RTL9: variants seen among roughly 807,000 people sequenced by gnomAD.
RTL9 encodes retrotransposon Gag-like protein 9.
In RTL9, 19 loss-of-function variants were observed where a neutral mutation model predicts 44.7. The observed-to-expected ratio is 0.42, with a 90% CI of 0.30 to 0.62. The LOEUF is 0.62. Among genes scored for constraint, RTL9 ranks in the 20% least tolerant of loss-of-function variants. RTL9 has a pLI of 0.16. For missense variants in RTL9, 1,105 were observed against 1,080.6 expected (o/e 1.02, Z -0.32); for synonymous variants, 407 against 398.9 (o/e 1.02, Z -0.24).
chrX:110,452,127 G>T, exon 1 of RTL9: 1 of 1,211,898 alleles, frequency 8.3e-7, no homozygotes, highest in South Asian at 1.8e-5. Flanking sequence ...ACTGAGGAGA[G>T]CTCCAACTTC....
upstream of RTL9, among the ~76,000 whole-genome samples, chrX:110,417,035 C>T (rs778645515): frequency 1.1e-4 from 12 of 112,649 alleles, no homozygotes; most frequent in Non-Finnish European, 2.1e-4. Context: ...TGGACTGTCA[C>T]TACTTTTCAT....
intron 1 of RTL9, among the ~76,000 whole-genome samples, chrX:110,360,996 T>C (rs1478302071): frequency 3.6e-5 from 4 of 111,463 alleles, no homozygotes; most frequent in Non-Finnish European, 5.7e-5. Flanking sequence ...TATTTGCTGA[T>C]GAGTCACAAA....
At chrX:110,436,218 C>G (rs2068837714) in intron 1 of RTL9, among the ~76,000 whole-genome samples, 2 of 111,685 alleles carry the variant, frequency 1.8e-5, no homozygotes, top group African/African-American at 6.5e-5. Context: ...GTCAGGACTT[C>G]GAAGGCATTT....
At chrX:110,361,823 T>C (rs2148250425) in intron 1 of RTL9, among the ~76,000 whole-genome samples, 1 of 112,579 alleles carries the variant, frequency 8.9e-6, no homozygotes, top group Non-Finnish European at 1.9e-5. Context: ...AAGGTCCAGA[T>C]AATAAATATT....
intron 1 of RTL9, among the ~76,000 whole-genome samples, chrX:110,390,896 C>T (rs2068489563): frequency 8.9e-6 from 1 of 111,803 alleles, no homozygotes; most frequent in Admixed American, 9.5e-5. Context: ...ATTCTTGAAC[C>T]AGCTTCAGTG....
intron 1 of RTL9, among the ~76,000 whole-genome samples, chrX:110,431,879 T>G (rs1045120116): frequency 8.1e-5 from 9 of 111,102 alleles, no homozygotes; most frequent in Non-Finnish European, 1.9e-5. Flanking sequence ...CAGGAGAGAT[T>G]TGGGAGTTAG....
At chrX:110,453,784 T>A (rs773383092) in exon 1 of RTL9, 5 of 1,211,718 alleles carry the variant, frequency 4.1e-6, no homozygotes, top group Non-Finnish European at 5.6e-6. Context: ...GGCATGGGTA[T>A]GTCCATGCCA....
chrX:110,437,480 G>A (rs2068847503), intron 1 of RTL9, among the ~76,000 whole-genome samples: 2 of 112,038 alleles, frequency 1.8e-5, no homozygotes, highest in South Asian at 7.5e-4. Context: ...CACACAACTA[G>A]TAAGTAGCAG....
rs780634701 is a variant in RTL9, at chrX:110,452,326, T to C, written c.1709T>C (p.Met570Thr). The change falls in exon 1 of 2, where the codon ATG becomes ACG. Residue 570 changes from methionine (M) to threonine (T), a missense_variant. Met to Thr is a moderately conservative substitution (Grantham distance 81). Transcript: ENST00000540313. ...ACATCTGCAGCACAGATGAAAGCCA[T>C]GACTTCTGGAGCAATGTCCACCCCA... is the stretch of plus-strand genomic sequence containing the variant. 5 of 1,210,921 alleles carry C rather than the reference T, an allele frequency of 4.1e-6. No individual in the cohort carries two copies. The East Asian group carries it at 1.5e-4, about 36-fold the overall frequency.
chrX:110,379,020 C>T (rs2068399300), intron 1 of RTL9, among the ~76,000 whole-genome samples: 1 of 112,115 alleles, frequency 8.9e-6, no homozygotes, highest in Admixed American at 9.4e-5. Flanking sequence ...GGCCTGCTCA[C>T]TCTGGCCCTC....
In RTL9 at chrX:110,451,418, A is replaced by G. The variant is rs765018566; in HGVS notation, c.801A>G (p.Ala267=). 41 of 1,210,170 alleles carry G rather than the reference A, an allele frequency of 3.4e-5. No individual in the cohort carries two copies. In the Middle Eastern group the frequency reaches 6.9e-4, roughly 20 times the overall value. ...TAATGTCAGGCACGGACTCTGAAGC[A>G]ATATCCTCACTGATAATGTCAGCTG... The change falls in exon 1 of 2, where the codon GCA becomes GCG. Residue 267 remains alanine, a synonymous_variant. Transcript: ENST00000540313.
At chrX:110,388,551 A>G (rs2068473594) in intron 1 of RTL9, among the ~76,000 whole-genome samples, 1 of 111,820 alleles carries the variant, frequency 8.9e-6, no homozygotes, top group African/African-American at 3.3e-5. Context: ...GAAGGATGAA[A>G]TAATAGCAGA....
At chrX:110,429,961 G>A (rs1216244211) in intron 1 of RTL9, among the ~76,000 whole-genome samples, 1 of 111,878 alleles carries the variant, frequency 8.9e-6, no homozygotes. Context: ...TTGTAATTTT[G>A]GATTATGAGT....
intron 1 of RTL9, among the ~76,000 whole-genome samples, chrX:110,382,369 G>C: frequency 9.0e-6 from 1 of 110,594 alleles, no homozygotes; most frequent in East Asian, 2.8e-4. Flanking sequence ...CCAACAATAA[G>C]AAACAAAGGC....
chrX:110,424,823 GT>G (rs2068742954), intron 1 of RTL9, among the ~76,000 whole-genome samples: 1 of 112,045 alleles, frequency 8.9e-6, no homozygotes, highest in Admixed American at 9.4e-5. Context: ...CAACATGAGT[GT>G]TGTCCCGTTA....
intron 1 of RTL9, among the ~76,000 whole-genome samples, chrX:110,374,585 A>C (rs909292569): frequency 1.8e-5 from 2 of 112,176 alleles, no homozygotes; most frequent in African/African-American, 6.5e-5. Context: ...TACTTAGGCA[A>C]TTAATCTTTA....
At chrX:110,447,699 T>C (rs1219817329), upstream of RTL9, among the ~76,000 whole-genome samples, 1 of 111,395 alleles carries the variant, frequency 9.0e-6, no homozygotes, top group Non-Finnish European at 1.9e-5. Context: ...GTCGGAATTA[T>C]ATAATGCATA....
At chrX:110,396,765 C>T (rs2068531759) in intron 1 of RTL9, among the ~76,000 whole-genome samples, 1 of 112,338 alleles carries the variant, frequency 8.9e-6, no homozygotes, top group African/African-American at 3.2e-5. Context: ...TGGGTCTATA[C>T]AGCCCCAAAT....
intron 1 of RTL9, among the ~76,000 whole-genome samples, chrX:110,390,907 G>A (rs2068489779): frequency 8.9e-6 from 1 of 111,770 alleles, no homozygotes; most frequent in African/African-American, 3.3e-5. Flanking sequence ...AGCTTCAGTG[G>A]TGAACAGCAG....
Sources: allele counts gnomAD v4.1 joint callset (sites outside exome capture counted in the v4.1 genomes callset), GRCh38; gene constraint gnomAD v4.1.1; transcripts MANE v1.5; gene names NCBI Gene and HGNC (gene_info 2026-07-23, HGNC 2026-07-21).